The following AVPR1A variants were observed in gnomAD, a reference collection of about 807,000 sequenced individuals.
AVPR1A encodes vasopressin V1a receptor.
A neutral mutation model predicts 31.5 loss-of-function variants in AVPR1A; 31 were observed. The observed-to-expected ratio is 0.99, with a 90% CI of 0.74 to 1.33. The LOEUF is 1.33. Ranked by LOEUF, AVPR1A falls within the 40% of genes most tolerant of loss-of-function variation. AVPR1A has a pLI of 0.00. For missense variants in AVPR1A, 570 were observed against 575.2 expected (o/e 0.99, Z 0.09); for synonymous variants, 243 against 233.2 (o/e 1.04, Z -0.38).
intron 1 of AVPR1A, among the ~76,000 whole-genome samples, chr12:63,148,308 A>G (rs921574213): frequency 3.3e-5 from 5 of 152,304 alleles, no homozygotes; most frequent in African/African-American, 1.2e-4. Flanking sequence ...TAAACTGCAT[A>G]AATATTATAA....
chr12:63,149,786 T>TCACACACACACACACA (rs1565878703), intron 1 of AVPR1A, 81 bp downstream of exon 1: 2 of 1,463,448 alleles, frequency 1.4e-6, no homozygotes, highest in African/African-American at 3.1e-5. Flanking sequence ...TCTCTCTCTC[T>TCACACACACACACACA]CTCTCTCTCT....
rs1477109101 is a variant in AVPR1A at position 63,147,399 on chromosome 12, T to G, written c.1217A>C (p.Lys406Thr). The change falls in exon 2 of 2, where the codon AAA becomes ACA. Residue 406 changes from lysine (K) to threonine (T), a missense_variant. Physicochemically the swap from Lys to Thr is moderately conservative, Grantham distance 78. Coordinates refer to ENST00000299178, the MANE Select transcript of AVPR1A (RefSeq NM_000706.5). ...NSTGMWKDSP[K>T]SSKSIKFIPV... is the part of the protein sequence containing the mutation. ...AATGAATTTGATGGACTTGGAAGAT[T>G]TAGGCGAGTCCTTCCACATACCCGT... 6.2e-7 allele frequency: 1 copy of G among 1,613,928 alleles called. No homozygotes were observed. The highest frequency in any genetic ancestry group is 1.7e-5 in the Admixed American group (1 of 60,006).
chr12:63,150,061 G>A lies in AVPR1A; in HGVS notation c.776C>T (p.Ala259Val). The change falls in exon 1 of 2, where the codon GCA becomes GTA. Residue 259 changes from alanine to valine, a missense_variant. Physicochemically the swap from Ala to Val is moderately conservative, Grantham distance 64 (BLOSUM62 0). Coordinates refer to ENST00000299178, the MANE Select transcript of AVPR1A (RefSeq NM_000706.5). The surrounding 1 kb of genome is among the most constrained non-coding windows in gnomAD (Gnocchi z 4.9). ...GKTASRQSKG[A>V]EQAGVAFQKG... ...TTGGAAGGCCACACCCGCTTGCTCT[G>A]CACCCTTGCTCTGGCGCGACGCCGT... 1 of 1,614,118 alleles carries A rather than the reference G, an allele frequency of 6.2e-7. No individual in the cohort carries two copies. The highest frequency in any genetic ancestry group is 1.1e-5 in the South Asian group (1 of 91,078).
chr12:63,148,204 T>G (rs909697144), intron 1 of AVPR1A, among the ~76,000 whole-genome samples: 2 of 152,158 alleles, frequency 1.3e-5, no homozygotes, highest in African/African-American at 4.8e-5. Context: ...GAAAACCATC[T>G]GTGGTTGTGG....
At position 63,150,238 on chromosome 12, in the gene AVPR1A, G is replaced by A. The variant is rs920203508; in HGVS notation, c.599C>T (p.Ala200Val). The change falls in exon 1 of 2, where the codon GCC becomes GTC. Residue 200 changes from alanine to valine, a missense_variant. Ala to Val is a moderately conservative substitution (Grantham distance 64, BLOSUM62 0). Transcript: ENST00000299178. This position sits in a 1 kb window ranked among gnomAD's most constrained non-coding sequence, Gnocchi z 4.9. ...GATGAAGGTGGCCCAGCAGTCGCGGGCCTTGGTGACATTGTTCACCTCGAT... is the reference window on the plus strand; with the variant it reads ...GATGAAGGTGGCCCAGCAGTCGCGGACCTTGGTGACATTGTTCACCTCGAT... ...SMIEVNNVTK[A>V]RDCWATFIQP... The A allele has an allele frequency of 2.5e-6, 4 of 1,613,798 alleles. No individual in the cohort carries two copies. In the Admixed American group the frequency reaches 5.0e-5, roughly 20 times the overall value.
At position 63,150,381 on chromosome 12, in the gene AVPR1A, C is replaced by A. The variant is rs553995625; in HGVS notation, c.456G>T (p.Ala152=). ...LVVMTADRYI[A]VCHPLKTLQQ... ...GCAGAGTCTTGAGCGGGTGGCACAC[C>A]GCGATGTAGCGGTCGGCTGTCATGA... Residue 152 remains alanine, a synonymous_variant, in exon 1 of 2, where the codon GCG becomes GCT. Coordinates refer to ENST00000299178, the MANE Select transcript of AVPR1A (RefSeq NM_000706.5). The surrounding 1 kb of genome is among the most constrained non-coding windows in gnomAD (Gnocchi z 4.9). The A allele has an allele frequency of 2.5e-6, 4 of 1,613,862 alleles. No homozygotes were observed. Among genetic ancestry groups the A allele is most frequent in the African/African-American group, 2.7e-5 (2 of 75,068 alleles).
At position 63,143,803 on chromosome 12, in the gene AVPR1A, G is replaced by T. The variant is rs1868338165; in HGVS notation, c.*3556C>A. On this transcript the variant is annotated 3_prime_UTR_variant, in exon 2 of 2. Transcript: ENST00000299178. ...TGCCTCCAATATGAATAACCATAAG[G>T]CTCCAATTAACATGGGTTTGTCTAA... 6.6e-6 allele frequency: 1 copy of T among 152,132 alleles called. No individual in the cohort carries two copies. The highest frequency in any genetic ancestry group is 1.5e-5 in the Non-Finnish European group (1 of 68,030). 9.4% of individuals were successfully genotyped at this position (152,132 alleles called of 1,614,324 possible).
In AVPR1A at chr12:63,145,556, C is replaced by A. The variant is rs554406838; in HGVS notation, c.*1803G>T. On this transcript the variant is annotated 3_prime_UTR_variant, in exon 2 of 2. Transcript: ENST00000299178. ...AGGAGAATCGCTTGAACCCAGGAAG[C>A]GGAGGTTGCAGTGAGCCGAGATCAC... 7.2e-6 allele frequency: 2 copies of A among 279,676 alleles called. No individual in the cohort carries two copies. Among genetic ancestry groups the A allele is most frequent in the African/African-American group, 2.2e-5 (1 of 44,548 alleles). The allele number at this position is 279,676 out of a possible 1,614,324, so 17.3% of individuals were successfully genotyped here. A position where few individuals can be genotyped will look rare whatever the true frequency, so the allele number is the denominator to read the frequency against.
In AVPR1A at chr12:63,150,654, A is replaced by G; in HGVS notation, c.183T>C (p.Thr61=). The G allele has an allele frequency of 6.2e-7, 1 of 1,609,126 alleles. No homozygotes were observed. The highest frequency in any genetic ancestry group is 8.5e-7 in the Non-Finnish European group (1 of 1,179,868). ...AKLEIAVLAV[T]FAVAVLGNSS... ...TGTTGCCCAGCACGGCCACCGCGAA[A>G]GTCACCGCCAGCACGGCGATCTCCA... Residue 61 remains threonine (T), a synonymous_variant, in exon 1 of 2, where the codon ACT becomes ACC. Transcript: ENST00000299178. The surrounding 1 kb of genome is among the most constrained non-coding windows in gnomAD (Gnocchi z 4.9).
rs1380769697 is a variant in AVPR1A at position 63,143,101 on chromosome 12, T to C, written c.*4258A>G. ...TAGAATATATTCAAGTCAGAAATCC[T>C]GTAGTATGAAGACATACCTTCATAT... On this transcript the variant is annotated 3_prime_UTR_variant, in exon 2 of 2. Transcript: ENST00000299178. 6.6e-6 allele frequency: 1 copy of C among 152,072 alleles called. No homozygotes were observed. Among genetic ancestry groups the C allele is most frequent in the East Asian group, 1.9e-4 (1 of 5,204 alleles). 9.4% of individuals were successfully genotyped at this position (152,072 alleles called of 1,614,324 possible).
rs1369668995 is a variant in AVPR1A at position 63,149,948 on chromosome 12, C to T, written c.889G>A (p.Val297Met). Residue 297 changes from valine (V) to methionine (M), a missense_variant, in exon 1 of 2, where the codon GTG (valine) becomes ATG (methionine). Val to Met is a conservative substitution (Grantham distance 21). Coordinates refer to ENST00000299178, the MANE Select transcript of AVPR1A (RefSeq NM_000706.5). ...IRTVKMTFVI[V>M]TAYIVCWAPF... ...GCCCAGCAGACGATGTAAGCCGTCACGATCACAAAAGTCATCTTCACCGTG... is the reference window on the plus strand; with the variant it reads ...GCCCAGCAGACGATGTAAGCCGTCATGATCACAAAAGTCATCTTCACCGTG... 1.2e-6 allele frequency: 2 copies of T among 1,613,926 alleles called. No homozygotes were observed. Among genetic ancestry groups the T allele is most frequent in the Non-Finnish European group, 1.7e-6 (2 of 1,180,020 alleles).
rs776399150 is a variant in AVPR1A at position 63,150,824 on chromosome 12, C to G, written c.13G>C (p.Ala5Pro). ...CCCGAGGGCCCCGCGTCGGGACCGGCGGAGAGACGCATGCTGTCCATGCAG... is the reference window on the plus strand; with the variant it reads ...CCCGAGGGCCCCGCGTCGGGACCGGGGGAGAGACGCATGCTGTCCATGCAG... MRLS[A>P]GPDAGPSGNS... Residue 5 changes from alanine (A) to proline (P), a missense_variant, in exon 1 of 2, where the codon GCC becomes CCC. Ala to Pro is a conservative substitution (Grantham distance 27). Coordinates refer to ENST00000299178, the MANE Select transcript of AVPR1A (RefSeq NM_000706.5). This position sits in a 1 kb window ranked among gnomAD's most constrained non-coding sequence, Gnocchi z 4.9. The G allele has an allele frequency of 3.2e-6, 5 of 1,587,016 alleles. No individual in the cohort carries two copies. The African/African-American group carries it at 4.0e-5, about 13-fold the overall frequency.
At position 63,150,039 on chromosome 12, in the gene AVPR1A, GA is replaced by G. The variant is rs755750759; in HGVS notation, c.797del (p.Phe266SerfsTer14). 1.2e-6 allele frequency: 2 copies of G among 1,614,094 alleles called. No individual in the cohort carries two copies. The highest frequency in any genetic ancestry group is 1.7e-6 in the Non-Finnish European group (2 of 1,180,026). The stretch of plus-strand genomic sequence containing the variant: ...AGGGTGCGAGCAGGAACCCCTTTTG[GA>G]AGGCCACACCCGCTTGCTCTGCACC... Reference protein sequence around the residue: ...SKGAEQAGVAFQKGFLLAPCV... With the variant: ...SKGAEQAGVAXQKGFLLAPCV... On this transcript the variant is annotated frameshift_variant, in exon 1 of 2. Coordinates refer to ENST00000299178, the MANE Select transcript of AVPR1A (RefSeq NM_000706.5). LOFTEE classifies it high-confidence loss of function. This position sits in a 1 kb window ranked among gnomAD's most constrained non-coding sequence, Gnocchi z 4.9.
In AVPR1A at chr12:63,150,474, G is replaced by T. The variant is rs753214363; in HGVS notation, c.363C>A (p.Asp121Glu). ...GGTGCTTCACCACGCGGCACAGCCA[G>T]TCGGGGCCGCGGAAGCGGTAGGTGA... Reference protein sequence around the residue: ...WDITYRFRGPDWLCRVVKHLQ... With the variant: ...WDITYRFRGPEWLCRVVKHLQ... The change falls in exon 1 of 2, where the codon GAC (aspartate) becomes GAA (glutamate). Residue 121 changes from aspartate to glutamate, a missense_variant. Coordinates refer to ENST00000299178, the MANE Select transcript of AVPR1A (RefSeq NM_000706.5). The surrounding 1 kb of genome is among the most constrained non-coding windows in gnomAD (Gnocchi z 4.9). The T allele has an allele frequency of 6.2e-7, 1 of 1,613,522 alleles. No homozygotes were observed. The highest frequency in any genetic ancestry group is 8.5e-7 in the Non-Finnish European group (1 of 1,179,874).
At position 63,147,414 on chromosome 12, in the gene AVPR1A, C is replaced by T; in HGVS notation, c.1202G>A (p.Trp401Ter). 6.2e-7 allele frequency: 1 copy of T among 1,614,092 alleles called. No individual in the cohort carries two copies. The highest frequency in any genetic ancestry group is 8.5e-7 in the Non-Finnish European group (1 of 1,179,968). ...NRSPTNSTGM[W>*]KDSPKSSKSI... ...CTTGGAAGATTTAGGCGAGTCCTTC[C>T]ACATACCCGTACTGTTTGTTGGGCT... Residue 401 changes from tryptophan (W) to a stop codon, truncating the protein, a stop_gained, in exon 2 of 2, where the codon TGG becomes TAG. Coordinates refer to ENST00000299178, the MANE Select transcript of AVPR1A (RefSeq NM_000706.5). LOFTEE classifies it high-confidence loss of function.
In AVPR1A at chr12:63,150,828, G is replaced by C; in HGVS notation, c.9C>G (p.Leu3=). ...AGGGCCCCGCGTCGGGACCGGCGGA[G>C]AGACGCATGCTGTCCATGCAGCTCC... MR[L]SAGPDAGPSG... is the part of the protein sequence containing the mutation. The change falls in exon 1 of 2, where the codon CTC becomes CTG. Residue 3 remains leucine (L), a synonymous_variant. Transcript: ENST00000299178. The surrounding 1 kb of genome is among the most constrained non-coding windows in gnomAD (Gnocchi z 4.9). 1 of 1,586,662 alleles carries C rather than the reference G, an allele frequency of 6.3e-7. No homozygotes were observed. The highest frequency in any genetic ancestry group is 1.3e-5 in the African/African-American group (1 of 74,438).
At chr12:63,149,601 G>A (rs1868415025) in intron 1 of AVPR1A, among the ~76,000 whole-genome samples, 1 of 151,344 alleles carries the variant, frequency 6.6e-6, no homozygotes, top group Non-Finnish European at 1.5e-5. Context: ...AGAGTCCTGA[G>A]CCCCATTCCA....
Position 63,147,017 on chromosome 12 carries a change from C to A in AVPR1A, c.*342G>T. On this transcript the variant is annotated 3_prime_UTR_variant, in exon 2 of 2. Coordinates refer to ENST00000299178, the MANE Select transcript of AVPR1A (RefSeq NM_000706.5). ...GCCGCATTTTATGTGACTTTTAAAC[C>A]AATCAAGTCTTACTTATGTTAGAAA... 1 of 211,456 alleles carries A rather than the reference C, an allele frequency of 4.7e-6. No individual in the cohort carries two copies. The allele number at this position is 211,456 out of a possible 1,614,324, so 13.1% of individuals were successfully genotyped here.
chr12:63,147,654 A>C lies in AVPR1A; in HGVS notation c.971-9T>G. 1 of 1,608,260 alleles carries C rather than the reference A, an allele frequency of 6.2e-7. No individual in the cohort carries two copies. Among genetic ancestry groups the C allele is most frequent in the Non-Finnish European group, 8.5e-7 (1 of 1,175,404 alleles). ...GGTAGGGTTTTCCGATTCTGCATGA[A>C]AAATATAAAGGGAAATCATGTAATG... On this transcript the variant is annotated splice_polypyrimidine_tract_variant and intron_variant, in intron 1 of 1. Transcript: ENST00000299178.
Sources: gnomAD v4.1 joint callset for allele counts (sites outside exome capture counted in the v4.1 genomes callset) on GRCh38, gnomAD v4.1.1 for gene constraint, Gnocchi (gnomAD v3.1) non-coding constraint, MANE v1.5 for transcripts, NCBI Gene and HGNC (gene_info 2026-07-23, HGNC 2026-07-21) for gene names.